OSTM1: variants seen among roughly 807,000 people sequenced by gnomAD.
OSTM1 encodes the protein osteopetrosis-associated transmembrane protein 1.
A neutral mutation model predicts 35.4 loss-of-function variants in OSTM1; 26 were observed. That is an observed-to-expected ratio of 0.73 (90% CI 0.54 to 1.02). The LOEUF is 1.02. OSTM1 is among the 50% of genes least tolerant of loss of function. The probability of loss-of-function intolerance (pLI) is 0.00; values close to 1 mark genes in which losing one functional copy is unlikely to be tolerated. For synonymous variants in OSTM1, 181 were observed against 165.0 expected (o/e 1.10, Z -0.75); for missense variants, 366 against 409.6 (o/e 0.89, Z 0.92).
chr6:108,067,538 T>C (rs941321490), intron 1 of OSTM1, among the ~76,000 whole-genome samples: 6 of 151,346 alleles, frequency 4.0e-5, no homozygotes, highest in Non-Finnish European at 7.4e-5. Flanking sequence ...TGGAAAGAAA[T>C]GATAGAAAGT....
chr6:108,071,873 T>C (rs1772492620), intron 1 of OSTM1, among the ~76,000 whole-genome samples: 1 of 152,122 alleles, frequency 6.6e-6, no homozygotes, highest in Non-Finnish European at 1.5e-5. Context: ...GGTACCCAGG[T>C]TGCTGGTAGA....
chr6:108,047,335 C>G (rs1771994315), intron 5 of OSTM1, among the ~76,000 whole-genome samples: 1 of 152,168 alleles, frequency 6.6e-6, no homozygotes, highest in Non-Finnish European at 1.5e-5. Context: ...AGAAAGGAAC[C>G]AGACTGTCCA....
rs755674793 is a variant in OSTM1, at chr6:108,049,429, A to G, written c.784-11T>C. 4.3e-6 allele frequency: 7 copies of G among 1,612,380 alleles called. No homozygotes were observed. Among genetic ancestry groups the G allele is most frequent in the South Asian group, 1.1e-5 (1 of 90,990 alleles). On this transcript the variant is annotated splice_polypyrimidine_tract_variant and intron_variant, in intron 4 of 5. Coordinates refer to ENST00000193322, the MANE Select transcript of OSTM1 (RefSeq NM_014028.4). Reference sequence around the variant, plus strand: ...TCGAGTGATGTTCATCTGGAACAAGAGCAAACAATATCTTTCTATTTTATA... The same window carrying G: ...TCGAGTGATGTTCATCTGGAACAAGGGCAAACAATATCTTTCTATTTTATA...
chr6:108,048,318 T>C (rs968558393), intron 5 of OSTM1, among the ~76,000 whole-genome samples: 1 of 152,158 alleles, frequency 6.6e-6, no homozygotes, highest in South Asian at 2.1e-4. Context: ...AAACTAAAAT[T>C]ATTAAGGCAT....
chr6:108,051,068 T>G lies in OSTM1; in HGVS notation c.746A>C (p.Glu249Ala). The G allele has an allele frequency of 6.2e-7, 1 of 1,613,870 alleles. No homozygotes were observed. The highest frequency in any genetic ancestry group is 8.5e-7 in the Non-Finnish European group (1 of 1,179,850). Reference protein sequence around the residue: ...QKMNELENKAEPGTHLCIDVE... With the variant: ...QKMNELENKAAPGTHLCIDVE... ...ATCAATGCATAAATGTGTTCCAGGT[T>G]CAGCCTTATTCTCAAGTTCATTCAT... The change falls in exon 4 of 6, where the codon GAA becomes GCA. Residue 249 changes from glutamate to alanine, a missense_variant. Physicochemically the swap from Glu to Ala is moderately radical, Grantham distance 107. Around this residue, in one of 3 missense-constraint regions of OSTM1, gnomAD observed 125 missense variants for 151.7 expected, o/e 0.82. Transcript: ENST00000193322.
intron 1 of OSTM1, among the ~76,000 whole-genome samples, chr6:108,069,383 AATTC>A (rs980032135): frequency 4.6e-5 from 7 of 152,154 alleles, no homozygotes; most frequent in African/African-American, 1.4e-4. Context: ...TAGTCCTCAG[AATTC>A]ATTATTTAAT....
At chr6:108,052,387 C>T (rs1772091395) in intron 3 of OSTM1, among the ~76,000 whole-genome samples, 3 of 149,528 alleles carry the variant, frequency 2.0e-5, no homozygotes, top group African/African-American at 2.5e-5. Context: ...GAGCCGAGAT[C>T]GCGCCACTGC....
intron 2 of OSTM1, among the ~76,000 whole-genome samples, chr6:108,062,070 A>G (rs1194841998): frequency 6.6e-6 from 1 of 151,958 alleles, no homozygotes; most frequent in Admixed American, 6.6e-5. Flanking sequence ...TCTATATACT[A>G]TGGTTTTTTC....
At position 108,043,003 on chromosome 6, in the gene OSTM1, C is replaced by T. The variant is rs1302380701; in HGVS notation, c.*1782G>A. On this transcript the variant is annotated 3_prime_UTR_variant, in exon 6 of 6. Coordinates refer to ENST00000193322, the MANE Select transcript of OSTM1 (RefSeq NM_014028.4). ...TTATCTTTGAAATCTATTGCTGATGCTAGGTCTAAAGAGCAATGACTCAAC... is the reference window on the plus strand; with the variant it reads ...TTATCTTTGAAATCTATTGCTGATGTTAGGTCTAAAGAGCAATGACTCAAC... 2 of 152,150 alleles carry T rather than the reference C, an allele frequency of 1.3e-5. No homozygotes were observed. Among genetic ancestry groups the T allele is most frequent in the African/African-American group, 4.8e-5 (2 of 41,430 alleles). 9.4% of individuals were successfully genotyped at this position (152,150 alleles called of 1,614,324 possible). A position where few individuals can be genotyped will look rare whatever the true frequency, so the allele number is the denominator to read the frequency against.
At position 108,074,729 on chromosome 6, in the gene OSTM1, G is replaced by T. The variant is rs946980205; in HGVS notation, c.-78C>A. The T allele has an allele frequency of 2.6e-5, 36 of 1,402,632 alleles. No homozygotes were observed. The African/African-American group carries it at 4.4e-4, about 17-fold the overall frequency. 86.9% of individuals were successfully genotyped at this position (1,402,632 alleles called of 1,614,324 possible). The stretch of plus-strand genomic sequence containing the variant: ...GGCACCGCGGACAGCCGCCGCTTCC[G>T]GTTTCCGCGAGCGCAGGCCGAGAGC... On this transcript the variant is annotated 5_prime_UTR_variant, in exon 1 of 6. Coordinates refer to ENST00000193322, the MANE Select transcript of OSTM1 (RefSeq NM_014028.4).
In OSTM1 at chr6:108,049,420, T is replaced by A; in HGVS notation, c.784-2A>T. 1 of 1,613,248 alleles carries A rather than the reference T, an allele frequency of 6.2e-7. No homozygotes were observed. Among genetic ancestry groups the A allele is most frequent in the African/African-American group, 1.3e-5 (1 of 75,042 alleles). ...CCATAGTTTTCGAGTGATGTTCATC[T>A]GGAACAAGAGCAAACAATATCTTTC... On this transcript the variant is annotated splice_acceptor_variant, in intron 4 of 5. Coordinates refer to ENST00000193322, the MANE Select transcript of OSTM1 (RefSeq NM_014028.4). LOFTEE classifies it high-confidence loss of function.
chr6:108,063,016 C>CA (rs1772310280), intron 2 of OSTM1, among the ~76,000 whole-genome samples: 1 of 137,814 alleles, frequency 7.3e-6, no homozygotes, highest in African/African-American at 2.7e-5. Flanking sequence ...CTCATTTCTA[C>CA]TTTTTTTTTT....
chr6:108,069,104 C>T (rs755131434), intron 1 of OSTM1, among the ~76,000 whole-genome samples: 1 of 152,192 alleles, frequency 6.6e-6, no homozygotes, highest in South Asian at 2.1e-4. Flanking sequence ...AAGATCAGCA[C>T]TCTTGTCATA....
intron 2 of OSTM1, among the ~76,000 whole-genome samples, chr6:108,061,497 G>C (rs1003861611): frequency 1.3e-5 from 2 of 149,440 alleles, no homozygotes; most frequent in Non-Finnish European, 3.0e-5. Flanking sequence ...TTTTTTAAAG[G>C]CTTAGAAAGT....
At chr6:108,072,943 G>C (rs1355885793) in intron 1 of OSTM1, among the ~76,000 whole-genome samples, 2 of 152,050 alleles carry the variant, frequency 1.3e-5, no homozygotes, top group African/African-American at 4.8e-5. Flanking sequence ...AGAGCAGCTG[G>C]GACTACAGGC....
At chr6:108,068,391 C>G (rs995376142) in intron 1 of OSTM1, among the ~76,000 whole-genome samples, 1 of 152,162 alleles carries the variant, frequency 6.6e-6, no homozygotes, top group African/African-American at 2.4e-5. Flanking sequence ...ACTTAGAAAG[C>G]TCATAAACAC....
chr6:108,073,211 T>G (rs1025178332), intron 1 of OSTM1, among the ~76,000 whole-genome samples: 22 of 152,242 alleles, frequency 1.4e-4, no homozygotes, highest in African/African-American at 5.1e-4. Flanking sequence ...CAAGTTTAAA[T>G]TTATGGAATA....
intron 2 of OSTM1, among the ~76,000 whole-genome samples, chr6:108,058,462 T>C (rs1258621258): frequency 6.6e-6 from 1 of 151,734 alleles, no homozygotes. Flanking sequence ...ATTATAACGC[T>C]TAGTACATTT....
At chr6:108,071,618 A>C (rs1772487686) in intron 1 of OSTM1, among the ~76,000 whole-genome samples, 1 of 151,800 alleles carries the variant, frequency 6.6e-6, no homozygotes, top group Non-Finnish European at 1.5e-5. Flanking sequence ...TGGCCTCATA[A>C]GTTCATTATT....
Sources: allele counts gnomAD v4.1 joint callset (sites outside exome capture counted in the v4.1 genomes callset), GRCh38; gene constraint gnomAD v4.1.1; regional missense constraint gnomAD v4.1.1; transcripts MANE v1.5; gene names NCBI Gene and HGNC (gene_info 2026-07-23, HGNC 2026-07-21).